MYO5B: variants seen among roughly 807,000 people sequenced by gnomAD.
MYO5B encodes the protein unconventional myosin-Vb.
Under a neutral mutation model 229.3 loss-of-function variants are expected in MYO5B, and 143 were observed. The observed-to-expected ratio is 0.62, with a 90% CI of 0.54 to 0.72. MYO5B has a LOEUF of 0.72. Among genes scored for constraint, MYO5B ranks in the 30% least tolerant of loss-of-function variants. The pLI, the probability that MYO5B is intolerant of heterozygous loss-of-function variation, is 0.00. For missense variants in MYO5B, 2,321 were observed against 2,331.0 expected, an observed-to-expected ratio of 1.00 and a Z score of 0.09; for synonymous variants, 918 against 885.2, an observed-to-expected ratio of 1.04 and a Z score of -0.66.
At chr18:50,134,580 A>G (rs927022258) in intron 1 of MYO5B, among the ~76,000 whole-genome samples, 1 of 151,370 alleles carries the variant, frequency 6.6e-6, no homozygotes, top group African/African-American at 2.4e-5. Flanking sequence ...AAATAAATAA[A>G]TAAATAAATA....
intron 4 of MYO5B, among the ~76,000 whole-genome samples, chr18:50,009,302 C>T (rs942164289): frequency 3.3e-5 from 5 of 152,018 alleles, no homozygotes; most frequent in South Asian, 4.1e-4. Flanking sequence ...TGCTTGAGCC[C>T]GGGAGGCGGA....
chr18:50,008,096 T>C (rs1420615747), intron 4 of MYO5B, among the ~76,000 whole-genome samples: 1 of 152,176 alleles, frequency 6.6e-6, no homozygotes, highest in Non-Finnish European at 1.5e-5. Context: ...CCTTCCTGTA[T>C]AATAAAGCAG....
At chr18:49,955,083 G>A (rs541479374) in intron 12 of MYO5B, among the ~76,000 whole-genome samples, 33 of 152,228 alleles carry the variant, frequency 2.2e-4, no homozygotes, top group South Asian at 8.3e-4. Context: ...TGTGCCTTAC[G>A]TTGCTTATGT....
At chr18:49,916,121 T>G (rs894513234) in intron 17 of MYO5B, among the ~76,000 whole-genome samples, 1 of 152,266 alleles carries the variant, frequency 6.6e-6, no homozygotes, top group Non-Finnish European at 1.5e-5. Context: ...CCATGGTTAT[T>G]TGCATACACA....
intron 1 of MYO5B, among the ~76,000 whole-genome samples, chr18:50,137,966 T>C (rs2032360377): frequency 6.6e-6 from 1 of 152,186 alleles, no homozygotes; most frequent in South Asian, 2.1e-4. Flanking sequence ...TAACAGACAT[T>C]GGTGCCTAAT....
intron 1 of MYO5B, among the ~76,000 whole-genome samples, chr18:50,068,953 G>A (rs1007807438): frequency 6.6e-6 from 1 of 152,082 alleles, no homozygotes; most frequent in Admixed American, 6.6e-5. Context: ...CAAAGTTTGT[G>A]GCTCAACAGA....
chr18:49,930,867 G>T (rs1157842857), intron 16 of MYO5B, among the ~76,000 whole-genome samples: 1 of 147,720 alleles, frequency 6.8e-6, no homozygotes, highest in African/African-American at 2.5e-5. Context: ...ACTGCAGCCT[G>T]GGTGACAGAG....
At chr18:49,927,667 G>A (rs2025144633) in intron 17 of MYO5B, among the ~76,000 whole-genome samples, 1 of 152,172 alleles carries the variant, frequency 6.6e-6, no homozygotes, top group Non-Finnish European at 1.5e-5. Flanking sequence ...TTCGATAAAT[G>A]GGGCTGGGAT....
rs1476420144 is a variant in MYO5B, at chr18:50,097,388, A to G, written c.28-42010T>C. The G allele has an allele frequency of 2.4e-5, 10 of 414,624 alleles. No individual in the cohort carries two copies. The East Asian group carries it at 7.4e-4, about 31-fold the overall frequency. The allele number at this position is 414,624 out of a possible 1,614,324, so 25.7% of individuals were successfully genotyped here. A position where few individuals can be genotyped will look rare whatever the true frequency, so the allele number is the denominator to read the frequency against. ...GTCCAAGTTCACTATGTGGTCCATC[A>G]AAAGTCCTCAATAAAGATTTAATTG... On this transcript the variant is annotated intron_variant, in intron 1 of 39. Coordinates refer to ENST00000285039, the MANE Select transcript of MYO5B (RefSeq NM_001080467.3).
intron 7 of MYO5B, among the ~76,000 whole-genome samples, chr18:49,986,852 C>T (rs1360520515): frequency 6.6e-6 from 1 of 152,130 alleles, no homozygotes; most frequent in Non-Finnish European, 1.5e-5. Context: ...AAGGGGTGCC[C>T]AGGGTCACCC....
In MYO5B at chr18:49,929,608, G is replaced by GATA; in HGVS notation, c.2004-11_2004-10insTAT. The GATA allele has an allele frequency of 9.2e-6, 13 of 1,409,428 alleles. No homozygotes were observed. Among genetic ancestry groups the GATA allele is most frequent in the Non-Finnish European group, 1.2e-5 (13 of 1,078,062 alleles). The allele number at this position is 1,409,428 out of a possible 1,614,324, so 87.3% of individuals were successfully genotyped here. A position where few individuals can be genotyped will look rare whatever the true frequency, so the allele number is the denominator to read the frequency against. On this transcript the variant is annotated splice_polypyrimidine_tract_variant and intron_variant, in intron 16 of 39. Transcript: ENST00000285039. ...TCTCTTTGGGTCAAAGCTGCCAAAG[G>GATA]AGAAAAAAAAAAAAAAAAGCAAGAC...
chr18:49,984,858 C>T, intron 7 of MYO5B, 33 bp from the exon 8 acceptor site: 4 of 1,393,626 alleles, frequency 2.9e-6, no homozygotes, highest in South Asian at 1.2e-5. Context: ...GCATGAGGCA[C>T]TGGAGGACAC....
At chr18:49,827,454 C>T (rs749730149) in intron 39 of MYO5B, among the ~76,000 whole-genome samples, 1 of 152,164 alleles carries the variant, frequency 6.6e-6, no homozygotes, top group Non-Finnish European at 1.5e-5. Context: ...GTGGCATCAA[C>T]TGGAAAATTT....
At chr18:50,001,597 G>A (rs926825030) in intron 4 of MYO5B, among the ~76,000 whole-genome samples, 186 bp from the exon 5 acceptor site, 2 of 152,202 alleles carry the variant, frequency 1.3e-5, no homozygotes, top group African/African-American at 4.8e-5. Flanking sequence ...GAAAGCAGGA[G>A]GAAGAAAGCA....
At position 49,902,914 on chromosome 18, in the gene MYO5B, A is replaced by G; in HGVS notation, c.2572-81T>C. 3.2e-6 allele frequency: 5 copies of G among 1,550,292 alleles called. No homozygotes were observed. The South Asian group carries it at 5.8e-5, about 18-fold the overall frequency. ...AGGAAGCATACATCACTGCCTGTGG[A>G]GGGAAGAGGCCAGGGCAGCCTTGGT... On this transcript the variant is annotated intron_variant, in intron 20 of 39. Coordinates refer to ENST00000285039, the MANE Select transcript of MYO5B (RefSeq NM_001080467.3).
intron 35 of MYO5B, chr18:49,840,363 C>G (rs1419371320): frequency 6.6e-6 from 1 of 152,210 alleles, no homozygotes; most frequent in Non-Finnish European, 1.5e-5. Context: ...ATAATAAAAG[C>G]AGGCCATCAA....
intron 4 of MYO5B, among the ~76,000 whole-genome samples, chr18:50,008,518 T>A (rs2026127712): frequency 6.6e-6 from 1 of 152,156 alleles, no homozygotes; most frequent in Non-Finnish European, 1.5e-5. Context: ...CTTCCATGAT[T>A]CACCCACAGG....
At chr18:49,986,784 ACTGT>A (rs2025874986) in intron 7 of MYO5B, among the ~76,000 whole-genome samples, 1 of 152,164 alleles carries the variant, frequency 6.6e-6, no homozygotes, top group African/African-American at 2.4e-5. Context: ...ACCAAAGAAG[ACTGT>A]CTATATTATT....
At chr18:49,917,162 G>C (rs1479485566) in intron 17 of MYO5B, among the ~76,000 whole-genome samples, 1 of 152,120 alleles carries the variant, frequency 6.6e-6, no homozygotes, top group Non-Finnish European at 1.5e-5. Flanking sequence ...GTTCATGCAG[G>C]GGTAGCTCCT....
Sources: allele counts gnomAD v4.1 joint callset (sites outside exome capture counted in the v4.1 genomes callset), GRCh38; gene constraint gnomAD v4.1.1; transcripts MANE v1.5; gene names NCBI Gene and HGNC (gene_info 2026-07-23, HGNC 2026-07-21).